The following SPOCK3 variants were observed in gnomAD, a reference collection of about 807,000 sequenced individuals.
The protein encoded by SPOCK3 is SPARC (osteonectin), cwcv and kazal like domains proteoglycan 3.
A neutral mutation model predicts 56.6 loss-of-function variants in SPOCK3; 30 were observed. That is an observed-to-expected ratio of 0.53 (90% CI 0.40 to 0.72). The LOEUF (loss-of-function observed/expected upper bound fraction) is 0.72, where lower values mean the gene tolerates loss of function less well. Among genes scored for constraint, SPOCK3 ranks in the 30% least tolerant of loss-of-function variants. The pLI is 0.00. For synonymous variants in SPOCK3, 196 were observed against 183.3 expected (o/e 1.07, Z -0.56); for missense variants, 527 against 530.0 (o/e 0.99, Z 0.06).
At chr4:166,746,738 A>C (rs1263065489) in intron 8 of SPOCK3, among the ~76,000 whole-genome samples, 9 of 152,154 alleles carry the variant, frequency 5.9e-5, no homozygotes, top group African/African-American at 7.2e-5. Flanking sequence ...GACTGATAGC[A>C]AGATTAATAA....
At chr4:167,045,071 C>T (rs1372394235) in intron 3 of SPOCK3, among the ~76,000 whole-genome samples, 2 of 152,058 alleles carry the variant, frequency 1.3e-5, no homozygotes, top group Admixed American at 1.3e-4. Flanking sequence ...CAGGTTTTGC[C>T]TCACATATTT....
At chr4:167,090,865 G>A (rs1758645325) in intron 2 of SPOCK3, among the ~76,000 whole-genome samples, 1 of 151,840 alleles carries the variant, frequency 6.6e-6, no homozygotes, top group Admixed American at 6.6e-5. Flanking sequence ...TAGTTGAATG[G>A]CTTAAAGAAC....
intron 3 of SPOCK3, among the ~76,000 whole-genome samples, chr4:167,034,404 C>T (rs890479215): frequency 6.6e-6 from 1 of 151,506 alleles, no homozygotes; most frequent in Non-Finnish European, 1.5e-5. Context: ...CAAGGTCGTC[C>T]CGGTATTTTT....
In SPOCK3 at chr4:167,122,994, A is replaced by G. The variant is rs144359152; in HGVS notation, c.190-60457T>C. 9.5e-4 allele frequency among the ~76,000 whole-genome samples: 144 copies of G among 152,026 alleles called. No individual in the cohort carries two copies. The Middle Eastern group carries it at 0.01, about 11-fold the overall frequency. On this transcript the variant is annotated intron_variant, in intron 2 of 10. Transcript: ENST00000357545. ...AAAAATACGGAGAGTTTTCAGAGCT[A>G]AAGAGATTATTTAAAAAAATTAAAC... is the stretch of plus-strand genomic sequence containing the variant.
intron 6 of SPOCK3, among the ~76,000 whole-genome samples, chr4:166,817,882 A>C (rs954735206): frequency 3.3e-5 from 5 of 152,012 alleles, no homozygotes; most frequent in African/African-American, 1.2e-4. Context: ...TAAAACACAA[A>C]ATAAGGGCAT....
intron 5 of SPOCK3, among the ~76,000 whole-genome samples, chr4:166,898,773 A>C (rs1445391432): frequency 6.6e-6 from 1 of 152,318 alleles, no homozygotes; most frequent in South Asian, 2.1e-4. Flanking sequence ...TTTGCCAAAA[A>C]TAGGTGTGTG....
chr4:166,749,643 TA>T (rs900860817), intron 8 of SPOCK3, among the ~76,000 whole-genome samples: 4 of 151,068 alleles, frequency 2.6e-5, no homozygotes, highest in East Asian at 1.9e-4. Flanking sequence ...TGATAAAAAA[TA>T]AAAAAAAATA....
chr4:166,841,391 G>A (rs530927954), intron 6 of SPOCK3, among the ~76,000 whole-genome samples: 3 of 152,118 alleles, frequency 2.0e-5, no homozygotes, highest in African/African-American at 4.8e-5. Context: ...TAGACTTATA[G>A]AATTACAAAT....
intron 4 of SPOCK3, among the ~76,000 whole-genome samples, chr4:166,917,014 G>A (rs1044936917): frequency 1.3e-5 from 2 of 152,122 alleles, no homozygotes; most frequent in Non-Finnish European, 2.9e-5. Flanking sequence ...AAGTTGCAAT[G>A]CTGGGCTGTC....
intron 2 of SPOCK3, among the ~76,000 whole-genome samples, chr4:167,080,054 G>A (rs1757569085): frequency 6.6e-6 from 1 of 151,996 alleles, no homozygotes; most frequent in African/African-American, 2.4e-5. Context: ...ACCAAGCAGA[G>A]TTCTTGCAAA....
intron 2 of SPOCK3, among the ~76,000 whole-genome samples, chr4:167,120,753 T>C (rs1208577067): frequency 2.6e-5 from 4 of 151,640 alleles, no homozygotes; most frequent in African/African-American, 9.7e-5. Flanking sequence ...TTAACAGAAG[T>C]GCATTTTTAA....
At chr4:167,104,371 A>AT (rs1421616768) in intron 2 of SPOCK3, among the ~76,000 whole-genome samples, 1 of 152,194 alleles carries the variant, frequency 6.6e-6, no homozygotes, top group Non-Finnish European at 1.5e-5. Flanking sequence ...TATCAGGTAC[A>AT]TTTAATGAAG....
intron 8 of SPOCK3, among the ~76,000 whole-genome samples, chr4:166,745,584 T>C (rs897804977): frequency 3.3e-5 from 5 of 152,080 alleles, no homozygotes; most frequent in African/African-American, 1.2e-4. Context: ...CATAAACTAA[T>C]AGGCAAAATA....
chr4:167,172,960 CTCT>C (rs908710386), intron 2 of SPOCK3, among the ~76,000 whole-genome samples: 45 of 151,982 alleles, frequency 3.0e-4, no homozygotes, highest in East Asian at 7.7e-4. Context: ...ATAAATCCTC[CTCT>C]TATTTCTCTT....
At position 167,205,382 on chromosome 4, in the gene SPOCK3, T is replaced by TA. The variant is rs1293914945; in HGVS notation, c.189+28602dup. ...TATATTATATATTTTATATATATAATATATATATTTTATATATAATATATT... is the reference window on the plus strand; with the variant it reads ...TATATTATATATTTTATATATATAATAATATATATTTTATATATAATATATT... On this transcript the variant is annotated intron_variant, in intron 2 of 10. Transcript: ENST00000357545. 2.4e-4 allele frequency among the ~76,000 whole-genome samples: 10 copies of TA among 42,194 alleles called. 1 individual carries two copies. Among genetic ancestry groups the TA allele is most frequent in the African/African-American group, 8.5e-4 (8 of 9,394 alleles). 27.7% of individuals were successfully genotyped at this position (42,194 alleles called of 152,430 possible). A position where few individuals can be genotyped will look rare whatever the true frequency, so the allele number is the denominator to read the frequency against.
At chr4:167,216,133 T>TA (rs1735330883) in intron 2 of SPOCK3, among the ~76,000 whole-genome samples, 1 of 152,148 alleles carries the variant, frequency 6.6e-6, no homozygotes, top group Admixed American at 6.6e-5. Context: ...AAGTATATGT[T>TA]ACAATATTTG....
intron 2 of SPOCK3, among the ~76,000 whole-genome samples, chr4:167,145,558 C>T (rs79731746): frequency 0.022 from 3,364 of 152,002 alleles, 54 homozygotes; most frequent in Non-Finnish European, 0.033. Flanking sequence ...GAGATGGAGA[C>T]GCCAGTGAAG....
chr4:166,743,885 A>T (rs1735205835), intron 8 of SPOCK3, among the ~76,000 whole-genome samples: 1 of 152,130 alleles, frequency 6.6e-6, no homozygotes, highest in Non-Finnish European at 1.5e-5. Context: ...TCCAACTGTG[A>T]GGCATCAGCG....
chr4:166,986,875 G>C (rs1008027213), intron 4 of SPOCK3, among the ~76,000 whole-genome samples: 1 of 151,972 alleles, frequency 6.6e-6, no homozygotes, highest in Non-Finnish European at 1.5e-5. Flanking sequence ...TCATTCTCAA[G>C]TGTTTGGTTT....
Sources: gnomAD v4.1 joint callset for allele counts (sites outside exome capture counted in the v4.1 genomes callset) on GRCh38, gnomAD v4.1.1 for gene constraint, MANE v1.5 for transcripts, NCBI Gene and HGNC (gene_info 2026-07-23, HGNC 2026-07-21) for gene names.